MAP4: variants seen among roughly 807,000 people sequenced by gnomAD.
The protein encoded by MAP4 is microtubule-associated protein 4.
MAP4 carries 76 observed loss-of-function variants against 170.2 expected under a neutral mutation model. The observed-to-expected ratio is 0.45, with a 90% CI of 0.37 to 0.54. The LOEUF (loss-of-function observed/expected upper bound fraction) is 0.54, where lower values mean the gene tolerates loss of function less well. Ranked by LOEUF, MAP4 falls within the 20% of genes least tolerant of loss-of-function variation. MAP4 has a pLI of 0.00. For synonymous variants in MAP4, 909 were observed against 994.5 expected (o/e 0.91, Z 1.62); for missense variants, 2,506 against 2,748.0 (o/e 0.91, Z 1.97).
intron 1 of MAP4, among the ~76,000 whole-genome samples, chr3:48,025,194 C>T (rs916026075): frequency 2.6e-5 from 4 of 151,860 alleles, no homozygotes; most frequent in Non-Finnish European, 4.4e-5. Context: ...CATTTATTTA[C>T]TGACAAAATG....
At chr3:48,061,428 G>A (rs889779140) in intron 1 of MAP4, among the ~76,000 whole-genome samples, 4 of 152,128 alleles carry the variant, frequency 2.6e-5, no homozygotes, top group South Asian at 2.1e-4. Context: ...TCCTAACTGC[G>A]AGTGATCTGC....
intron 1 of MAP4, among the ~76,000 whole-genome samples, chr3:48,046,955 G>C (rs918842379): frequency 1.7e-4 from 26 of 152,054 alleles, no homozygotes; most frequent in African/African-American, 6.0e-4. Flanking sequence ...TGAGCCGGGC[G>C]TGGTGGCAGG....
chr3:47,947,383 G>A (rs1236323486), intron 3 of MAP4, among the ~76,000 whole-genome samples: 1 of 152,068 alleles, frequency 6.6e-6, no homozygotes, highest in Non-Finnish European at 1.5e-5. Context: ...AGCCAGGTAG[G>A]GATTTTGATT....
Position 47,974,043 on chromosome 3 carries a change from C to T in MAP4, c.292+3822G>A, listed in dbSNP as rs2154255381. 6 of 985,302 alleles carry T rather than the reference C, an allele frequency of 6.1e-6. No individual in the cohort carries two copies. The South Asian group carries it at 2.3e-4, about 39-fold the overall frequency. The allele number at this position is 985,302 out of a possible 1,614,324, so 61.0% of individuals were successfully genotyped here. A position where few individuals can be genotyped will look rare whatever the true frequency, so the allele number is the denominator to read the frequency against. Reference sequence around the variant, plus strand: ...TAGAAGAGGGAATGCTTCCTAAATTCCGGAAGTCGCTGCAAGGATTCAGTT... The same window carrying T: ...TAGAAGAGGGAATGCTTCCTAAATTTCGGAAGTCGCTGCAAGGATTCAGTT... On this transcript the variant is annotated intron_variant, in intron 3 of 20. Coordinates refer to ENST00000683076, the MANE Select transcript of MAP4 (RefSeq NM_001385682.1).
chr3:48,069,060 T>C (rs1035816931), intron 1 of MAP4, among the ~76,000 whole-genome samples: 2 of 152,196 alleles, frequency 1.3e-5, no homozygotes, highest in Non-Finnish European at 2.9e-5. Flanking sequence ...ATGCTAGAGA[T>C]TAAAGTTCAA....
chr3:47,869,309 T>C lies in MAP4; in HGVS notation c.6313A>G (p.Thr2105Ala). ...GGGRAKVEKK[T>A]EAAATTRKPE... ...TTTCGGGTTGTAGCAGCTGCCTCTG[T>C]TTTTTTCTCTACTTTGGCCTGGATG... Residue 2105 changes from threonine to alanine, a missense_variant, in exon 16 of 21, where the codon ACA (threonine) becomes GCA (alanine). Physicochemically the swap from Thr to Ala is moderately conservative, Grantham distance 58. Coordinates refer to ENST00000683076, the MANE Select transcript of MAP4 (RefSeq NM_001385682.1). 2 of 1,613,336 alleles carry C rather than the reference T, an allele frequency of 1.2e-6. No homozygotes were observed. Among genetic ancestry groups the C allele is most frequent in the Non-Finnish European group, 1.7e-6 (2 of 1,179,286 alleles).
intron 1 of MAP4, among the ~76,000 whole-genome samples, chr3:48,003,271 G>A (rs1324625732): frequency 6.6e-6 from 1 of 151,820 alleles, no homozygotes; most frequent in Non-Finnish European, 1.5e-5. Flanking sequence ...TGGTTAACAT[G>A]GTGAAACCTC....
Position 47,917,188 on chromosome 3 carries a change from T to C in MAP4, c.653-14A>G, listed in dbSNP as rs1440525908. 1.9e-6 allele frequency: 3 copies of C among 1,604,390 alleles called. No homozygotes were observed. Among genetic ancestry groups the C allele is most frequent in the Non-Finnish European group, 2.6e-6 (3 of 1,174,712 alleles). On this transcript the variant is annotated splice_polypyrimidine_tract_variant and intron_variant, in intron 6 of 20. Transcript: ENST00000683076. The stretch of plus-strand genomic sequence containing the variant: ...GCTCTAAGGGAACTAAATTGGAAAT[T>C]TAGGACACATCATTGTCTACTCATA...
upstream of MAP4, among the ~76,000 whole-genome samples, chr3:48,019,389 T>C (rs1186552962): frequency 1.3e-5 from 2 of 152,146 alleles, no homozygotes; most frequent in African/African-American, 4.8e-5. Flanking sequence ...ACTACCATCA[T>C]GTTAATATGA....
intron 17 of MAP4, among the ~76,000 whole-genome samples, chr3:47,860,171 C>G (rs917312684): frequency 1.3e-5 from 2 of 152,212 alleles, no homozygotes; most frequent in Middle Eastern, 3.2e-3. Flanking sequence ...AGTCACTCTC[C>G]AAGCCCAGGG....
chr3:48,043,001 T>C (rs2100122464), intron 1 of MAP4, among the ~76,000 whole-genome samples: 1 of 152,106 alleles, frequency 6.6e-6, no homozygotes, highest in African/African-American at 2.4e-5. Flanking sequence ...ATAAAGAACA[T>C]GGGATTTCTT....
intron 17 of MAP4, among the ~76,000 whole-genome samples, chr3:47,858,972 CA>C (rs562665371): frequency 6.6e-6 from 1 of 151,676 alleles, no homozygotes; most frequent in Non-Finnish European, 1.5e-5. Context: ...ACTAAAAATA[CA>C]AAAAAAATTA....
Position 47,909,018 on chromosome 3 carries a change from T to TCATA in MAP4, c.5383+19_5383+20insTATG. 6.3e-7 allele frequency: 1 copy of TCATA among 1,597,030 alleles called. No homozygotes were observed. Among genetic ancestry groups the TCATA allele is most frequent in the Non-Finnish European group, 8.5e-7 (1 of 1,171,740 alleles). ...CTCAAAAGCCACAAGCACACACATT[T>TCATA]CCCCATGGCAGGTTCATACCAGCGG... On this transcript the variant is annotated intron_variant, in intron 9 of 20. Transcript: ENST00000683076.
In MAP4 at chr3:47,910,431, G is replaced by C. The variant is rs1001464588; in HGVS notation, c.3990C>G (p.Ile1330Met). Residue 1330 changes from isoleucine to methionine, a missense_variant, in exon 9 of 21, where the codon ATC (isoleucine) becomes ATG (methionine). Ile to Met is a conservative substitution (Grantham distance 10). Coordinates refer to ENST00000683076, the MANE Select transcript of MAP4 (RefSeq NM_001385682.1). ...KVTDVSCQEQ[I>M]QGAGFVPSVV... Reference sequence around the variant, plus strand: ...CTGAAGGAACAAATCCTGCCCCCTGGATTTGCTCTTGGCAGCTCACATCTG... The same window carrying C: ...CTGAAGGAACAAATCCTGCCCCCTGCATTTGCTCTTGGCAGCTCACATCTG... 10 of 1,536,120 alleles carry C rather than the reference G, an allele frequency of 6.5e-6. No homozygotes were observed. Among genetic ancestry groups the C allele is most frequent in the Non-Finnish European group, 7.8e-6 (9 of 1,146,896 alleles).
chr3:47,985,221 A>G (rs1370641341), intron 2 of MAP4, among the ~76,000 whole-genome samples: 1 of 152,070 alleles, frequency 6.6e-6, no homozygotes, highest in Non-Finnish European at 1.5e-5. Flanking sequence ...CGGAGGTTGC[A>G]GTGAGCCAAG....
intron 3 of MAP4, among the ~76,000 whole-genome samples, chr3:47,946,962 T>C (rs1349302713): frequency 6.6e-6 from 1 of 152,138 alleles, no homozygotes; most frequent in East Asian, 1.9e-4. Flanking sequence ...ATGTAAACAT[T>C]AAACTGTATT....
At chr3:48,085,272 A>G (rs568352792) in intron 1 of MAP4, among the ~76,000 whole-genome samples, 2 of 152,128 alleles carry the variant, frequency 1.3e-5, no homozygotes, top group East Asian at 3.9e-4. Flanking sequence ...ATTGATCACC[A>G]AATTCAGAAA....
chr3:48,073,503 T>G (rs1437988572), intron 1 of MAP4, among the ~76,000 whole-genome samples: 1 of 149,720 alleles, frequency 6.7e-6, no homozygotes, highest in African/African-American at 2.5e-5. Flanking sequence ...CACAGCTACT[T>G]GGGAGGCTGA....
rs56923064 is a variant in MAP4 at position 47,881,446 on chromosome 3, CTATATATATATATATATATATATATA to C, written c.5435-3949_5435-3924del. 8.0e-3 allele frequency among the ~76,000 whole-genome samples: 394 copies of C among 49,476 alleles called. 25 individuals are homozygous for C. Among genetic ancestry groups the C allele is most frequent in the African/African-American group, 0.026 (277 of 10,642 alleles). The allele number at this position is 49,476 out of a possible 152,430, so 32.5% of individuals were successfully genotyped here. On this transcript the variant is annotated intron_variant, in intron 10 of 20. Coordinates refer to ENST00000683076, the MANE Select transcript of MAP4 (RefSeq NM_001385682.1). The stretch of plus-strand genomic sequence containing the variant: ...CAGCCTGGGCAACAAGAAAAAACAA[CTATATATATATATATATATATATATA>C]TATATATATATATATATATATATAT...
Sources: gnomAD v4.1 joint callset for allele counts (sites outside exome capture counted in the v4.1 genomes callset) on GRCh38, gnomAD v4.1.1 for gene constraint, MANE v1.5 for transcripts, NCBI Gene and HGNC (gene_info 2026-07-23, HGNC 2026-07-21) for gene names.